Variants in FBXL13 observed in about 807,000 individuals in gnomAD.
The protein encoded by FBXL13 is F-box and leucine-rich repeat protein 13.
FBXL13 carries 67 observed loss-of-function variants against 83.6 expected under a neutral mutation model. That is an observed-to-expected ratio of 0.80 (90% CI 0.66 to 0.98). FBXL13 has a LOEUF of 0.98. Ranked by LOEUF, FBXL13 falls within the 50% of genes least tolerant of loss-of-function variation. The pLI is 0.00. For synonymous variants in FBXL13, 272 were observed against 299.5 expected (o/e 0.91, Z 0.95); for missense variants, 822 against 866.5 (o/e 0.95, Z 0.64).
chr7:103,017,392 G>A (rs1271223242), intron 6 of FBXL13, among the ~76,000 whole-genome samples: 1 of 152,088 alleles, frequency 6.6e-6, no homozygotes, highest in African/African-American at 2.4e-5. Flanking sequence ...GAGCAGAAAA[G>A]CTGAAAATTC....
intron 8 of FBXL13, chr7:102,944,271 C>CT (rs746903334): frequency 2.5e-6 from 4 of 1,613,440 alleles, no homozygotes; most frequent in Non-Finnish European, 3.4e-6. Context: ...GTCTGCAAAA[C>CT]TTTGACTATG....
chr7:102,811,564 T>A (rs1464801912), downstream of FBXL13, among the ~76,000 whole-genome samples: 1 of 152,222 alleles, frequency 6.6e-6, no homozygotes, highest in African/African-American at 2.4e-5. Flanking sequence ...AAGCTCTGAA[T>A]GTAAAGCAAC....
intron 18 of FBXL13, among the ~76,000 whole-genome samples, chr7:102,823,750 C>G (rs193180226): frequency 6.6e-6 from 1 of 152,234 alleles, no homozygotes; most frequent in East Asian, 1.9e-4. Flanking sequence ...CTTGTTTTAA[C>G]ATAAAGTTAA....
chr7:102,812,139 C>T (rs1329776841), downstream of FBXL13, among the ~76,000 whole-genome samples: 1 of 152,122 alleles, frequency 6.6e-6, no homozygotes, highest in Non-Finnish European at 1.5e-5. Flanking sequence ...GGCTTGTTTG[C>T]GGCAGTCAGA....
chr7:103,015,043 C>A (rs546479155), intron 6 of FBXL13, among the ~76,000 whole-genome samples: 2 of 151,526 alleles, frequency 1.3e-5, no homozygotes, highest in Admixed American at 1.3e-4. Flanking sequence ...TGGTTCAACA[C>A]ATGCAAATCA....
intron 6 of FBXL13, among the ~76,000 whole-genome samples, chr7:102,970,399 T>C (rs895564670): frequency 9.9e-5 from 15 of 152,220 alleles, no homozygotes; most frequent in African/African-American, 3.6e-4. Context: ...GGCCAGCGAT[T>C]ATGTGTGTTG....
chr7:103,041,192 A>T (rs1795651232), intron 2 of FBXL13, among the ~76,000 whole-genome samples: 1 of 152,236 alleles, frequency 6.6e-6, no homozygotes, highest in Non-Finnish European at 1.5e-5. Flanking sequence ...AGAATACTGT[A>T]AACACCTCTA....
chr7:103,042,743 G>C (rs190383547), intron 2 of FBXL13, among the ~76,000 whole-genome samples: 1 of 152,252 alleles, frequency 6.6e-6, no homozygotes, highest in Non-Finnish European at 1.5e-5. Context: ...TTAATAAATT[G>C]TGCTGAAAAA....
At chr7:102,925,679 C>T (rs920269767) in intron 10 of FBXL13, among the ~76,000 whole-genome samples, 3 of 151,828 alleles carry the variant, frequency 2.0e-5, no homozygotes, top group Non-Finnish European at 2.9e-5. Context: ...TGGTGGCTCA[C>T]GCCTGTAATT....
At chr7:102,942,144 C>T in intron 8 of FBXL13, 1 of 549,608 alleles carries the variant, frequency 1.8e-6, no homozygotes, top group Non-Finnish European at 3.3e-6. Flanking sequence ...GAACGTATTT[C>T]CTACATTAAT....
At chr7:102,928,016 G>A (rs1052117143) in intron 9 of FBXL13, among the ~76,000 whole-genome samples, 1 of 152,176 alleles carries the variant, frequency 6.6e-6, no homozygotes. Flanking sequence ...CAGCCACAAA[G>A]ATGAAAATGT....
At chr7:103,038,131 C>T (rs1795255439) in intron 2 of FBXL13, among the ~76,000 whole-genome samples, 1 of 152,230 alleles carries the variant, frequency 6.6e-6, no homozygotes, top group Non-Finnish European at 1.5e-5. Flanking sequence ...TCGCAACCTG[C>T]AGACCAGGAG....
intron 1 of FBXL13, among the ~76,000 whole-genome samples, chr7:103,062,460 G>A (rs1426495768): frequency 6.6e-6 from 1 of 151,902 alleles, no homozygotes; most frequent in Non-Finnish European, 1.5e-5. Flanking sequence ...AAAAATAGAG[G>A]GCACATTAAG....
intron 7 of FBXL13, among the ~76,000 whole-genome samples, chr7:102,964,804 A>T (rs1180721763): frequency 6.6e-6 from 1 of 152,192 alleles, no homozygotes; most frequent in African/African-American, 2.4e-5. Context: ...TGCAACACTG[A>T]GAAACAGGAT....
intron 6 of FBXL13, among the ~76,000 whole-genome samples, chr7:102,971,940 C>T (rs1036645316): frequency 1.5e-4 from 23 of 151,688 alleles, no homozygotes; most frequent in African/African-American, 4.4e-4. Flanking sequence ...GCAGGAAAAT[C>T]GCTTGAACCA....
chr7:103,033,536 T>C (rs1165839727), intron 2 of FBXL13, among the ~76,000 whole-genome samples: 1 of 152,234 alleles, frequency 6.6e-6, no homozygotes, highest in Admixed American at 6.5e-5. Flanking sequence ...GGATTCGTGG[T>C]CTTGCTGGCT....
intron 17 of FBXL13, among the ~76,000 whole-genome samples, chr7:102,843,383 C>T (rs568633028): frequency 9.9e-5 from 15 of 152,102 alleles, no homozygotes; most frequent in Non-Finnish European, 1.8e-4. Context: ...GCAGAGGTTG[C>T]AGTGAGCCAA....
intron 8 of FBXL13, among the ~76,000 whole-genome samples, chr7:102,949,574 A>C (rs1823085907): frequency 2.0e-5 from 3 of 152,200 alleles, no homozygotes. Context: ...AATATTACCA[A>C]GATAAGACAG....
intron 19 of FBXL13, among the ~76,000 whole-genome samples, chr7:102,818,329 C>A (rs1486284375): frequency 6.6e-6 from 1 of 152,192 alleles, no homozygotes; most frequent in African/African-American, 2.4e-5. Context: ...AAGTATGGCT[C>A]TCCTTATTTG....
Sources: gnomAD v4.1 joint callset for allele counts (sites outside exome capture counted in the v4.1 genomes callset) on GRCh38, gnomAD v4.1.1 for gene constraint, MANE v1.5 for transcripts, NCBI Gene and HGNC (gene_info 2026-07-23, HGNC 2026-07-21) for gene names.